SDHA: variants seen among roughly 807,000 people sequenced by gnomAD.
SDHA encodes the protein succinate dehydrogenase [ubiquinone] flavoprotein subunit, mitochondrial.
Under a neutral mutation model 78.4 loss-of-function variants are expected in SDHA, and 48 were observed. That is an observed-to-expected ratio of 0.61 (90% confidence interval 0.49 to 0.78). SDHA has a LOEUF of 0.78. Among genes scored for constraint, SDHA ranks in the 30% least tolerant of loss-of-function variants. The pLI is 0.00. For synonymous variants in SDHA, 326 were observed against 353.9 expected (o/e 0.92, Z 0.88); for missense variants, 680 against 892.7 (o/e 0.76, Z 3.04).
Position 218,425 on chromosome 5 carries a change from C to G in SDHA, c.63+7C>G. Reference sequence around the variant, plus strand: ...CCTGGCGCTGGCCAAGGCGGTGAGTCCGTGCCGCGGACCGGGGCGGGGCAG... The same window carrying G: ...CCTGGCGCTGGCCAAGGCGGTGAGTGCGTGCCGCGGACCGGGGCGGGGCAG... On this transcript the variant is annotated splice_region_variant and intron_variant, in intron 1 of 14. Transcript: ENST00000264932. 7.1e-7 allele frequency: 1 copy of G among 1,417,060 alleles called. No homozygotes were observed. Among genetic ancestry groups the G allele is most frequent in the Non-Finnish European group, 9.1e-7 (1 of 1,096,074 alleles). 87.8% of individuals were successfully genotyped at this position (1,417,060 alleles called of 1,614,324 possible). A position where few individuals can be genotyped will look rare whatever the true frequency, so the allele number is the denominator to read the frequency against.
At chr5:232,862 C>G (rs188320502) in intron 7 of SDHA, among the ~76,000 whole-genome samples, 2 of 152,078 alleles carry the variant, frequency 1.3e-5, no homozygotes, top group Non-Finnish European at 1.5e-5. Flanking sequence ...GAGCACAGAC[C>G]GCCGGACTAC....
At chr5:220,202 C>A in intron 1 of SDHA, 1 of 393,326 alleles carries the variant, frequency 2.5e-6, no homozygotes, top group Admixed American at 3.0e-5. Flanking sequence ...ACGAACTTAT[C>A]AGACTTATTT....
At chr5:252,121 T>C (rs1399803381) in intron 13 of SDHA, among the ~76,000 whole-genome samples, 5 of 151,512 alleles carry the variant, frequency 3.3e-5, no homozygotes, top group African/African-American at 1.2e-4. Flanking sequence ...AAATGCCAGT[T>C]TATTAACGAG....
chr5:224,739 C>T, intron 3 of SDHA: 1 of 588,404 alleles, frequency 1.7e-6, no homozygotes. Flanking sequence ...ATTCAGACTC[C>T]AGTCACACTT....
rs556476038 is a variant in SDHA, at chr5:236,577, C to T, written c.1410C>T (p.Ser470=). Residue 470 remains serine (S), a synonymous_variant, in exon 10 of 15, where the codon AGC becomes AGT. Coordinates refer to ENST00000264932, the MANE Select transcript of SDHA (RefSeq NM_004168.4). ...LVVFGRACAL[S]IEESCRPGDK... Reference sequence around the variant, plus strand: ...TCTTTGGTCGGGCATGTGCCCTGAGCATCGAAGAGTCATGCAGGCCTGGTA... The same window carrying T: ...TCTTTGGTCGGGCATGTGCCCTGAGTATCGAAGAGTCATGCAGGCCTGGTA... The T allele has an allele frequency of 5.0e-5, 80 of 1,614,012 alleles. 2 individuals carry two copies. The South Asian group carries it at 7.6e-4, about 15-fold the overall frequency.
intron 2 of SDHA, among the ~76,000 whole-genome samples, chr5:223,926 A>C (rs1734857670): frequency 6.6e-6 from 1 of 152,162 alleles, no homozygotes. Context: ...TAGATGATAA[A>C]ATCCTACTGA....
the SDHA span, among the ~76,000 whole-genome samples, chr5:268,077 C>A: frequency 0.25 from 37,826 of 151,962 alleles, 7,464 homozygotes; most frequent in African/African-American, 0.55. Context: ...GTTGTAGAAG[C>A]AGCAGGGACT....
At chr5:224,944 G>A in intron 3 of SDHA, 1 of 334,944 alleles carries the variant, frequency 3.0e-6, no homozygotes, top group Non-Finnish European at 5.7e-6. Flanking sequence ...GGCACACACA[G>A]CCAAAGGAAG....
intron 11 of SDHA, among the ~76,000 whole-genome samples, chr5:246,175 G>A (rs1232609005): frequency 6.6e-6 from 1 of 151,974 alleles, no homozygotes; most frequent in Non-Finnish European, 1.5e-5. Context: ...GACTCAAGCT[G>A]CAGCCGATCG....
chr5:226,743 A>G (rs896585892), intron 5 of SDHA, among the ~76,000 whole-genome samples: 5 of 151,916 alleles, frequency 3.3e-5, no homozygotes, highest in African/African-American at 1.2e-4. Flanking sequence ...CTTGCCTAAC[A>G]CTGTGAAACC....
chr5:264,172 G>A, the SDHA span, among the ~76,000 whole-genome samples: 1 of 152,232 alleles, frequency 6.6e-6, no homozygotes. Flanking sequence ...AATGGTGGAA[G>A]TGAGACTGAA....
At chr5:255,545 C>T (rs755102347) in intron 14 of SDHA, among the ~76,000 whole-genome samples, 1 of 152,028 alleles carries the variant, frequency 6.6e-6, no homozygotes, top group Non-Finnish European at 1.5e-5. Flanking sequence ...CAGCCTCAAC[C>T]TCCCCCAGGC....
intron 4 of SDHA, 88 bp downstream of exon 4, chr5:225,650 G>A (rs2126548340): frequency 1.3e-6 from 2 of 1,587,556 alleles, no homozygotes; most frequent in Non-Finnish European, 1.7e-6. Context: ...TGAGGCGGAT[G>A]TGGCAGCCAA....
rs1735860506 is a variant in SDHA at position 237,566 on chromosome 5, C to T, written c.1432+967C>T. On this transcript the variant is annotated intron_variant, in intron 10 of 14. Coordinates refer to ENST00000264932, the MANE Select transcript of SDHA (RefSeq NM_004168.4). ...CGGTGGTTATCCAGCCTCGTGTGCT[C>T]AGAACAGTGTGAGGTGGATGAGGCA... 1.5e-5 allele frequency among the ~76,000 whole-genome samples: 2 copies of T among 134,530 alleles called. 1 individual carries two copies. Among genetic ancestry groups the T allele is most frequent in the Non-Finnish European group, 3.0e-5 (2 of 66,442 alleles). The allele number at this position is 134,530 out of a possible 152,430, so 88.3% of individuals were successfully genotyped here. A position where few individuals can be genotyped will look rare whatever the true frequency, so the allele number is the denominator to read the frequency against.
chr5:228,364 T>G, intron 6 of SDHA, 31 bp downstream of exon 6: 1 of 1,597,452 alleles, frequency 6.3e-7, no homozygotes, highest in Non-Finnish European at 8.6e-7. Context: ...TTATTTTGTT[T>G]ATAAAAATGA....
chr5:232,447 C>A (rs1735469935), intron 7 of SDHA, among the ~76,000 whole-genome samples: 1 of 152,164 alleles, frequency 6.6e-6, no homozygotes, highest in Admixed American at 6.5e-5. Context: ...TCTCAAACTC[C>A]AGGGCTTAGG....
intron 1 of SDHA, among the ~76,000 whole-genome samples, chr5:222,083 TTC>T (rs1265763964): frequency 1.3e-5 from 2 of 152,230 alleles, no homozygotes; most frequent in Non-Finnish European, 2.9e-5. Flanking sequence ...TTTCAAAGAC[TTC>T]TTTCTTAAAA....
chr5:250,885 A>G (rs1218052038), intron 11 of SDHA, 107 bp from the exon 12 acceptor site: 3 of 952,940 alleles, frequency 3.1e-6, no homozygotes, highest in Admixed American at 1.8e-5. Flanking sequence ...TGTTTAATTT[A>G]TGTAACTTTT....
At chr5:259,921 A>C (rs1212063820), downstream of SDHA, among the ~76,000 whole-genome samples, 21 of 30,298 alleles carry the variant, frequency 6.9e-4, no homozygotes, top group African/African-American at 2.7e-3. Context: ...GCCTCCCGTC[A>C]GAGCATTACC....
Sources: gnomAD v4.1 joint callset for allele counts (sites outside exome capture counted in the v4.1 genomes callset) on GRCh38, gnomAD v4.1.1 for gene constraint, MANE v1.5 for transcripts, NCBI Gene and HGNC (gene_info 2026-07-23, HGNC 2026-07-21) for gene names.